Variants in ACOXL observed in about 807,000 individuals in gnomAD.
The protein encoded by ACOXL is acyl-coenzyme A oxidase-like protein.
A neutral mutation model predicts 71.9 loss-of-function variants in ACOXL; 70 were observed. The observed-to-expected ratio is 0.97, with a 90% CI of 0.80 to 1.19. ACOXL has a LOEUF of 1.19. Ranked by LOEUF, ACOXL falls within the 50% of genes most tolerant of loss-of-function variation. ACOXL has a pLI of 0.00. For synonymous variants in ACOXL, 253 were observed against 281.6 expected (o/e 0.90, Z 1.02); for missense variants, 703 against 736.3 (o/e 0.95, Z 0.52).
intron 10 of ACOXL, among the ~76,000 whole-genome samples, chr2:110,866,795 A>G (rs1440136396): frequency 6.6e-6 from 1 of 152,120 alleles, no homozygotes; most frequent in Admixed American, 6.6e-5. Context: ...CCACTCACTC[A>G]TCCACTGACT....
rs77974882 is a variant in ACOXL, at chr2:110,982,537, A to G, written c.1060-4571A>G. 2.8e-3 allele frequency among the ~76,000 whole-genome samples: 432 copies of G among 152,248 alleles called. 3 individuals are homozygous for G. The highest frequency in any genetic ancestry group is 9.9e-3 in the African/African-American group (413 of 41,512). ...TGCCTTGATGGGATGTCCAGCATCT[A>G]AAAGAGGTAAAGAGTTAAAATGCAT... is the stretch of plus-strand genomic sequence containing the variant. On this transcript the variant is annotated intron_variant, in intron 12 of 17. Coordinates refer to ENST00000439055, the MANE Select transcript of ACOXL (RefSeq NM_001142807.4).
At chr2:110,809,066 G>A (rs1159348881) in intron 9 of ACOXL, among the ~76,000 whole-genome samples, 1 of 152,236 alleles carries the variant, frequency 6.6e-6, no homozygotes, top group Admixed American at 6.5e-5. Context: ...GTTGGTTCTT[G>A]TGCTCCCACA....
At chr2:111,070,331 A>G (rs4848374) in intron 16 of ACOXL, among the ~76,000 whole-genome samples, 131,740 of 152,224 alleles carry the variant, frequency 0.87, 57,075 homozygotes, top group Middle Eastern at 0.92. Flanking sequence ...GCCACAAAAA[A>G]GAATGAGCTC....
chr2:110,994,690 T>G (rs1187817125), intron 13 of ACOXL, among the ~76,000 whole-genome samples: 1 of 152,118 alleles, frequency 6.6e-6, no homozygotes, highest in African/African-American at 2.4e-5. Flanking sequence ...TTGTTTTGAG[T>G]CTGTGCTTAC....
chr2:110,899,061 C>T (rs1411799935), intron 10 of ACOXL, among the ~76,000 whole-genome samples: 1 of 152,110 alleles, frequency 6.6e-6, no homozygotes, highest in African/African-American at 2.4e-5. Context: ...AACAACACAA[C>T]ACTGATGAAA....
At chr2:111,093,096 G>C (rs2068621012) in intron 17 of ACOXL, 130 bp downstream of exon 17, 1 of 687,084 alleles carries the variant, frequency 1.5e-6, no homozygotes, top group African/African-American at 1.8e-5. Context: ...GACTTCACAT[G>C]TATATTTTCA....
chr2:110,955,933 ATT>A (rs67285328), intron 12 of ACOXL, among the ~76,000 whole-genome samples: 4,672 of 101,494 alleles, frequency 0.046, 93 homozygotes, highest in East Asian at 0.16. Flanking sequence ...CTTGCCACAG[ATT>A]TTTTTTTTTT....
At chr2:110,967,457 A>G (rs76784068) in intron 12 of ACOXL, among the ~76,000 whole-genome samples, 78 of 152,348 alleles carry the variant, frequency 5.1e-4, no homozygotes, top group African/African-American at 1.8e-3. Context: ...TGCTCAATAT[A>G]CATAAAGGAA....
chr2:110,735,893 C>T (rs115373933), intron 1 of ACOXL, among the ~76,000 whole-genome samples: 1,552 of 152,238 alleles, frequency 0.01, 24 homozygotes, highest in African/African-American at 0.036. Flanking sequence ...TCAGGAGAGG[C>T]TGGCTGGCAG....
intron 10 of ACOXL, among the ~76,000 whole-genome samples, chr2:110,900,250 A>C (rs573002739): frequency 2.7e-4 from 41 of 152,272 alleles, no homozygotes; most frequent in African/African-American, 9.9e-4. Context: ...CAACAGTTTT[A>C]GTGATGCAGA....
chr2:110,786,832 C>T (rs1054831332), intron 3 of ACOXL, among the ~76,000 whole-genome samples: 5 of 152,166 alleles, frequency 3.3e-5, no homozygotes, highest in African/African-American at 1.2e-4. Context: ...CATCTTGGTT[C>T]AAACAACAAA....
chr2:111,090,484 G>T (rs907037525), intron 16 of ACOXL, among the ~76,000 whole-genome samples: 12 of 152,072 alleles, frequency 7.9e-5, no homozygotes, highest in Non-Finnish European at 1.5e-4. Context: ...AAGCAAAGGG[G>T]GTAGCCCAAG....
intron 10 of ACOXL, among the ~76,000 whole-genome samples, chr2:110,844,697 GC>G (rs1035661496): frequency 7.9e-5 from 12 of 151,958 alleles, no homozygotes; most frequent in Non-Finnish European, 1.6e-4. Context: ...ACAGGCACCT[GC>G]CATCACGCCC....
intron 11 of ACOXL, among the ~76,000 whole-genome samples, chr2:110,924,212 C>A (rs999757930): frequency 6.6e-6 from 1 of 152,178 alleles, no homozygotes; most frequent in Non-Finnish European, 1.5e-5. Flanking sequence ...GTGAGTTACT[C>A]TTTTTGCTAG....
chr2:111,092,529 C>T (rs1212897022), intron 16 of ACOXL, among the ~76,000 whole-genome samples: 2 of 152,060 alleles, frequency 1.3e-5, no homozygotes, highest in Non-Finnish European at 2.9e-5. Flanking sequence ...GGACTTTGCT[C>T]CTAAATAACG....
intron 16 of ACOXL, among the ~76,000 whole-genome samples, chr2:111,081,605 T>G (rs2067926022): frequency 6.6e-6 from 1 of 152,148 alleles, no homozygotes; most frequent in Non-Finnish European, 1.5e-5. Context: ...CCTGAAGTAA[T>G]TTATAGATTC....
chr2:110,825,950 G>A (rs1256803717), intron 9 of ACOXL, among the ~76,000 whole-genome samples: 1 of 152,134 alleles, frequency 6.6e-6, no homozygotes, highest in Non-Finnish European at 1.5e-5. Flanking sequence ...AGATAATGAG[G>A]GGTGCTGAGT....
chr2:110,963,790 G>T, intron 12 of ACOXL: 2 of 1,571,016 alleles, frequency 1.3e-6, no homozygotes, highest in Non-Finnish European at 1.7e-6. Flanking sequence ...ATCTTTATCT[G>T]ATTGCCTTCT....
At chr2:110,990,253 C>A (rs2063118352) in intron 13 of ACOXL, among the ~76,000 whole-genome samples, 1 of 152,102 alleles carries the variant, frequency 6.6e-6, no homozygotes, top group African/African-American at 2.4e-5. Flanking sequence ...TTTTTCCATA[C>A]ATACTATATC....
Sources: gnomAD v4.1 joint callset for allele counts (sites outside exome capture counted in the v4.1 genomes callset) on GRCh38, gnomAD v4.1.1 for gene constraint, MANE v1.5 for transcripts, NCBI Gene and HGNC (gene_info 2026-07-23, HGNC 2026-07-21) for gene names.